The following BRCA1 variants were observed in gnomAD, a reference collection of about 807,000 sequenced individuals.
BRCA1 encodes the protein breast cancer type 1 susceptibility protein.
Under a neutral mutation model 173.7 loss-of-function variants are expected in BRCA1, and 140 were observed. That is an observed-to-expected ratio of 0.81 (90% CI 0.70 to 0.93). The LOEUF (loss-of-function observed/expected upper bound fraction) is 0.93, where lower values mean the gene tolerates loss of function less well. BRCA1 is among the 40% of genes least tolerant of loss of function. BRCA1 has a pLI of 0.00. For synonymous variants in BRCA1, 662 were observed against 756.0 expected (o/e 0.88, Z 2.04); for missense variants, 1,983 against 2,172.5 (o/e 0.91, Z 1.73).
intron 2 of BRCA1, among the ~76,000 whole-genome samples, chr17:43,116,119 T>G (rs373681653): frequency 6.6e-6 from 1 of 152,226 alleles, no homozygotes; most frequent in Non-Finnish European, 1.5e-5. Context: ...TCACTGTGGG[T>G]GCACATCTCA....
Position 43,044,707 on chromosome 17 carries a change from C to T in BRCA1, c.*971G>A, listed in dbSNP as rs1284258151. On this transcript the variant is annotated 3_prime_UTR_variant, in exon 23 of 23. Transcript: ENST00000357654. ...GGAATTAGAAGACTGTCTTTGGAAA[C>T]CGGTTCTTGAAAATCTTCTGCTGTT... The T allele has an allele frequency of 4.0e-6, 2 of 506,194 alleles. No individual in the cohort carries two copies. Among genetic ancestry groups the T allele is most frequent in the Admixed American group, 2.3e-5 (1 of 43,990 alleles). 31.4% of individuals were successfully genotyped at this position (506,194 alleles called of 1,614,324 possible).
intron 9 of BRCA1, among the ~76,000 whole-genome samples, chr17:43,095,102 C>A (rs2054078324): frequency 7.6e-6 from 1 of 131,362 alleles, no homozygotes; most frequent in Non-Finnish European, 1.7e-5. Flanking sequence ...ATGCAGAAAC[C>A]ACACCTATTT....
At chr17:43,111,637 C>A (rs527251997) in intron 3 of BRCA1, among the ~76,000 whole-genome samples, 1 of 151,828 alleles carries the variant, frequency 6.6e-6, no homozygotes, top group Non-Finnish European at 1.5e-5. Context: ...CTGGCTAACA[C>A]GGTGAAACCC....
intron 12 of BRCA1, among the ~76,000 whole-genome samples, chr17:43,077,667 T>C (rs2052799629): frequency 6.6e-6 from 1 of 151,764 alleles, no homozygotes; most frequent in African/African-American, 2.4e-5. Flanking sequence ...CTCCTCCAAA[T>C]GTATCACTTT....
chr17:43,097,620 C>T (rs79775007), intron 7 of BRCA1, among the ~76,000 whole-genome samples: 1 of 152,126 alleles, frequency 6.6e-6, no homozygotes, highest in African/African-American at 2.4e-5. Flanking sequence ...AAAAAAAAAG[C>T]ACAGGCTCTG....
intron 13 of BRCA1, among the ~76,000 whole-genome samples, chr17:43,074,999 GAAGAAAGGA>G (rs575161617): frequency 2.3e-4 from 34 of 149,140 alleles, no homozygotes; most frequent in South Asian, 4.3e-4. Context: ...GGAAAGAAAG[GAAGAAAGGA>G]AAGAAAGGAA....
At position 43,072,384 on chromosome 17, in the gene BRCA1, C is replaced by T. The variant is rs1006854288; in HGVS notation, c.4676-1146G>A. Among the ~76,000 whole-genome samples, 13 of 151,332 alleles carry T rather than the reference C, an allele frequency of 8.6e-5. 1 individual carries two copies. The highest frequency in any genetic ancestry group is 3.9e-4 in the East Asian group (2 of 5,144). On this transcript the variant is annotated intron_variant, in intron 14 of 22. Transcript: ENST00000357654. ...AGCCTGGGCAACAAGAGTGAAACTC[C>T]GTCTCAAAAAAGAGTACGGGTAATA...
intron 1 of BRCA1, chr17:43,132,769 T>A (rs1385921114): frequency 2.6e-5 from 4 of 151,450 alleles, no homozygotes; most frequent in African/African-American, 9.7e-5. Flanking sequence ...TATTTTATTT[T>A]ATTTTTTTTT....
intron 1 of BRCA1, among the ~76,000 whole-genome samples, chr17:43,137,196 C>T (rs1165639278): frequency 6.8e-6 from 1 of 146,070 alleles, no homozygotes; most frequent in African/African-American, 2.5e-5. Context: ...AAACCAAACA[C>T]CACATGTTCT....
At chr17:43,121,987 GT>G (rs1020747903) in intron 2 of BRCA1, among the ~76,000 whole-genome samples, 1 of 152,068 alleles carries the variant, frequency 6.6e-6, no homozygotes, top group Non-Finnish European at 1.5e-5. Context: ...TTCAAAAGCA[GT>G]TTTTTCCTAC....
At position 43,049,685 on chromosome 17, in the gene BRCA1, C is replaced by T. The variant is rs3092988; in HGVS notation, c.5333-491G>A. Reference sequence around the variant, plus strand: ...TCCAGTCAAAAAAATACATGTTATCCTGGTTAGAGACTCAGCAGGGAAAGG... The same window carrying T: ...TCCAGTCAAAAAAATACATGTTATCTTGGTTAGAGACTCAGCAGGGAAAGG... On this transcript the variant is annotated intron_variant, in intron 20 of 22. Coordinates refer to ENST00000357654, the MANE Select transcript of BRCA1 (RefSeq NM_007294.4). 0.29 allele frequency among the ~76,000 whole-genome samples: 44,742 copies of T among 151,992 alleles called. 7,184 individuals are homozygous for T. Among genetic ancestry groups the T allele is most frequent in the South Asian group, 0.49 (2,373 of 4,818 alleles).
At chr17:43,054,276 A>C (rs2051369053) in intron 19 of BRCA1, among the ~76,000 whole-genome samples, 2 of 152,186 alleles carry the variant, frequency 1.3e-5, no homozygotes. Flanking sequence ...TGGCATCTGG[A>C]ACAATTACTT....
In BRCA1 at chr17:43,059,513, C is replaced by CAAA. The variant is rs775434420; in HGVS notation, c.5194-2381_5194-2379dup. 7.9e-4 allele frequency among the ~76,000 whole-genome samples: 120 copies of CAAA among 151,272 alleles called. 1 individual carries two copies. Among genetic ancestry groups the CAAA allele is most frequent in the Admixed American group, 2.9e-3 (44 of 15,122 alleles). Reference sequence around the variant, plus strand: ...ACAACAACAACAACAACAACAACAACAAATTCTCACATCTAAAACAGAGTT... The same window carrying CAAA: ...ACAACAACAACAACAACAACAACAACAAAAAATTCTCACATCTAAAACAGAGTT... On this transcript the variant is annotated intron_variant, in intron 18 of 22. Transcript: ENST00000357654.
upstream of BRCA1, among the ~76,000 whole-genome samples, chr17:43,126,568 C>T (rs1269183904): frequency 6.6e-6 from 1 of 152,222 alleles, no homozygotes; most frequent in African/African-American, 2.4e-5. Flanking sequence ...TGTCTCCGGA[C>T]AGCTAATCGT....
At chr17:43,149,524 C>T (rs894551731) in intron 1 of BRCA1, among the ~76,000 whole-genome samples, 19 of 152,008 alleles carry the variant, frequency 1.2e-4, no homozygotes, top group South Asian at 2.1e-4. Flanking sequence ...CATGAGCCAC[C>T]GCACCCAGCC....
chr17:43,069,166 C>G (rs555942071), intron 15 of BRCA1, among the ~76,000 whole-genome samples: 75 of 152,342 alleles, frequency 4.9e-4, no homozygotes, highest in South Asian at 6.2e-4. Flanking sequence ...ACATCCTCCC[C>G]CTTTTGCTAC....
chr17:43,089,128 C>T (rs2053343713), intron 11 of BRCA1, among the ~76,000 whole-genome samples: 1 of 152,020 alleles, frequency 6.6e-6, no homozygotes, highest in Admixed American at 6.6e-5. Flanking sequence ...GCCTGGCCAA[C>T]ATGGTGAAAC....
chr17:43,082,490 T>G lies in BRCA1; in HGVS notation c.4271A>C (p.Gln1424Pro). The G allele has an allele frequency of 6.2e-7, 1 of 1,614,192 alleles. No individual in the cohort carries two copies. Among genetic ancestry groups the G allele is most frequent in the Non-Finnish European group, 8.5e-7 (1 of 1,180,014 alleles). ...LEAVLEQHGS[Q>P]PSNSYPSIIS... ...GATGGAAGGGTAGCTGTTAGAAGGC[T>G]GGCTCCCATGCTGTTCTAACACAGC... Residue 1424 changes from glutamine (Q) to proline (P), a missense_variant, in exon 12 of 23, where the codon CAG becomes CCG. Gln to Pro is a moderately conservative substitution (Grantham distance 76, BLOSUM62 -1). Coordinates refer to ENST00000357654, the MANE Select transcript of BRCA1 (RefSeq NM_007294.4).
intron 1 of BRCA1, among the ~76,000 whole-genome samples, chr17:43,159,112 A>G (rs1328797320): frequency 6.6e-6 from 1 of 152,162 alleles, no homozygotes; most frequent in African/African-American, 2.4e-5. Flanking sequence ...TTAGCTGGGC[A>G]TGGTGATGCA....
Sources: allele counts gnomAD v4.1 joint callset (sites outside exome capture counted in the v4.1 genomes callset), GRCh38; gene constraint gnomAD v4.1.1; transcripts MANE v1.5; gene names NCBI Gene and HGNC (gene_info 2026-07-23, HGNC 2026-07-21).